Variants in FBXL17 observed in about 807,000 individuals in gnomAD.
FBXL17 encodes the protein F-box and leucine rich repeat protein 17, also known as F-box/LRR-repeat protein 17.
In FBXL17, 22 loss-of-function variants were observed where a neutral mutation model predicts 66.2. The observed-to-expected ratio is 0.33, with a 90% CI of 0.24 to 0.47. The LOEUF (loss-of-function observed/expected upper bound fraction) is 0.47. FBXL17 is among the 20% of genes least tolerant of loss of function. The probability of loss-of-function intolerance (pLI) is 1.00; values close to 1 mark genes in which losing one functional copy is unlikely to be tolerated. For missense variants in FBXL17, 878 were observed against 948.2 expected (o/e 0.93, Z 0.97); for synonymous variants, 474 against 400.5 (o/e 1.18, Z -2.19).
At chr5:108,101,848 G>A (rs1182034802) in intron 6 of FBXL17, among the ~76,000 whole-genome samples, 3 of 152,166 alleles carry the variant, frequency 2.0e-5, no homozygotes, top group Non-Finnish European at 2.9e-5. Flanking sequence ...ACTGTACAGG[G>A]CATGCCACTT....
At chr5:107,939,572 T>C (rs1034572047) in intron 7 of FBXL17, among the ~76,000 whole-genome samples, 1 of 152,148 alleles carries the variant, frequency 6.6e-6, no homozygotes, top group African/African-American at 2.4e-5. Flanking sequence ...TGCTGTATAG[T>C]GGGGAATTCA....
chr5:108,030,545 T>G (rs1330742946), intron 6 of FBXL17, among the ~76,000 whole-genome samples: 2 of 152,060 alleles, frequency 1.3e-5, no homozygotes, highest in Non-Finnish European at 2.9e-5. Flanking sequence ...GAACAGTGCA[T>G]CTCTTTGGCG....
intron 6 of FBXL17, among the ~76,000 whole-genome samples, chr5:108,135,334 G>A (rs1051642150): frequency 2.0e-5 from 3 of 152,078 alleles, no homozygotes; most frequent in Non-Finnish European, 4.4e-5. Context: ...GTGAAGGTGG[G>A]AACAAGGGGA....
chr5:107,903,456 C>T (rs1377936254), intron 7 of FBXL17, among the ~76,000 whole-genome samples: 1 of 152,088 alleles, frequency 6.6e-6, no homozygotes, highest in Non-Finnish European at 1.5e-5. Flanking sequence ...GTCCAAACAT[C>T]AGCAATTTCA....
chr5:108,057,861 C>A (rs764891533), intron 6 of FBXL17, among the ~76,000 whole-genome samples: 3 of 152,152 alleles, frequency 2.0e-5, no homozygotes, highest in South Asian at 4.1e-4. Flanking sequence ...GATTAACTGG[C>A]ACATTTTTTG....
intron 6 of FBXL17, among the ~76,000 whole-genome samples, chr5:108,079,321 G>A (rs1445290417): frequency 6.6e-6 from 1 of 152,092 alleles, no homozygotes; most frequent in East Asian, 1.9e-4. Context: ...CTGAAAAATA[G>A]TTGTGTAATA....
chr5:108,105,867 T>G (rs1022792565), intron 6 of FBXL17, among the ~76,000 whole-genome samples: 2 of 152,226 alleles, frequency 1.3e-5, no homozygotes, highest in East Asian at 1.9e-4. Flanking sequence ...CTCTCCTTAT[T>G]TATTTACTTA....
chr5:108,264,332 A>G (rs150390657), intron 4 of FBXL17, among the ~76,000 whole-genome samples: 22 of 151,938 alleles, frequency 1.4e-4, no homozygotes, highest in Admixed American at 1.2e-3. Flanking sequence ...TGTAGCATCT[A>G]TAAGTTAAGA....
intron 7 of FBXL17, among the ~76,000 whole-genome samples, chr5:107,951,279 T>C (rs769919819): frequency 1.1e-4 from 16 of 152,254 alleles, no homozygotes; most frequent in Admixed American, 4.6e-4. Flanking sequence ...TTCCCTATTT[T>C]CTGCTGAGAG....
chr5:108,204,970 G>T (rs1754054805), intron 5 of FBXL17, among the ~76,000 whole-genome samples: 1 of 151,910 alleles, frequency 6.6e-6, no homozygotes, highest in African/African-American at 2.4e-5. Flanking sequence ...GAGCACAGTG[G>T]TGTGATCGAA....
intron 8 of FBXL17, among the ~76,000 whole-genome samples, chr5:107,868,431 G>T (rs973885141): frequency 1.3e-4 from 20 of 152,226 alleles, no homozygotes; most frequent in African/African-American, 4.8e-4. Flanking sequence ...GTCTGTTGTG[G>T]AGCTGTGGGT....
intron 5 of FBXL17, among the ~76,000 whole-genome samples, chr5:108,201,765 T>C (rs930059837): frequency 1.3e-5 from 2 of 151,358 alleles, no homozygotes; most frequent in East Asian, 1.9e-4. Flanking sequence ...TCACTCTTTA[T>C]GTATAAACCA....
rs984078149 is a variant in FBXL17, at chr5:108,360,877, T to C, written c.1374+3861A>G. 5.3e-5 allele frequency among the ~76,000 whole-genome samples: 8 copies of C among 152,242 alleles called. No individual in the cohort carries two copies. The South Asian group carries it at 1.7e-3, about 32-fold the overall frequency. On this transcript the variant is annotated intron_variant, in intron 3 of 8. Coordinates refer to ENST00000542267, the MANE Select transcript of FBXL17 (RefSeq NM_001163315.3). ...GGCTCTTGAATCCCTCTGGTAAATGTTTTATTTCAGTTATTGTACTTCTTA... is the reference window on the plus strand; with the variant it reads ...GGCTCTTGAATCCCTCTGGTAAATGCTTTATTTCAGTTATTGTACTTCTTA...
chr5:107,893,083 T>G (rs993196295), intron 7 of FBXL17, among the ~76,000 whole-genome samples: 26 of 152,124 alleles, frequency 1.7e-4, no homozygotes, highest in African/African-American at 6.3e-4. Flanking sequence ...GACTTGTGGG[T>G]ATCATTGTCA....
Position 108,343,627 on chromosome 5 carries a change from C to T in FBXL17, c.1506+4772G>A, listed in dbSNP as rs183458132. Among the ~76,000 whole-genome samples the T allele has an allele frequency of 2.4e-3, 364 of 152,202 alleles. 1 individual carries two copies. Among genetic ancestry groups the T allele is most frequent in the Non-Finnish European group, 2.8e-3 (193 of 67,984 alleles). On this transcript the variant is annotated intron_variant, in intron 4 of 8. Transcript: ENST00000542267. ...AACAGTAAGAGTCAGGAAATGGAAG[C>T]TTTCACATAATGCTGAATTAACTAC...
intron 6 of FBXL17, among the ~76,000 whole-genome samples, chr5:108,059,002 C>G (rs1435009863): frequency 6.6e-6 from 1 of 152,092 alleles, no homozygotes; most frequent in African/African-American, 2.4e-5. Flanking sequence ...ATTCTGGAAC[C>G]CTCAGATCCT....
intron 7 of FBXL17, among the ~76,000 whole-genome samples, chr5:107,995,030 G>A (rs1753417191): frequency 6.6e-6 from 1 of 152,114 alleles, no homozygotes; most frequent in South Asian, 2.1e-4. Context: ...TAATAGAAAT[G>A]TTTCTTGATC....
chr5:108,146,706 C>G (rs982652643), intron 6 of FBXL17, among the ~76,000 whole-genome samples: 13 of 152,248 alleles, frequency 8.5e-5, no homozygotes, highest in Middle Eastern at 3.4e-3. Flanking sequence ...ACTATCTAAA[C>G]TATCTCCACA....
intron 6 of FBXL17, among the ~76,000 whole-genome samples, chr5:108,080,103 C>T (rs145665604): frequency 1.3e-5 from 2 of 152,288 alleles, no homozygotes; most frequent in African/African-American, 2.4e-5. Context: ...CCCTGTGACA[C>T]TGTGAATATG....
Sources: gnomAD v4.1 joint callset for allele counts (sites outside exome capture counted in the v4.1 genomes callset) on GRCh38, gnomAD v4.1.1 for gene constraint, MANE v1.5 for transcripts, NCBI Gene and HGNC (gene_info 2026-07-23, HGNC 2026-07-21) for gene names.